Variants in NFIA observed in about 807,000 individuals in gnomAD.
The protein encoded by NFIA is nuclear factor I A, also known as nuclear factor 1 A-type.
In NFIA, 8 loss-of-function variants were observed where a neutral mutation model predicts 62.8. The observed-to-expected ratio is 0.13, with a 90% confidence interval of 0.07 to 0.23. The LOEUF (loss-of-function observed/expected upper bound fraction) is 0.23, where lower values mean the gene tolerates loss of function less well. NFIA is among the 10% of genes least tolerant of loss of function. The pLI, the probability that NFIA is intolerant of heterozygous loss-of-function variation, is 1.00. For missense variants in NFIA, 410 were observed against 642.1 expected, an observed-to-expected ratio of 0.64 and a Z score of 3.91; for synonymous variants, 235 against 238.1, an observed-to-expected ratio of 0.99 and a Z score of 0.12.
chr1:61,227,297 T>G (rs1317505039), intron 2 of NFIA, among the ~76,000 whole-genome samples: 9 of 152,244 alleles, frequency 5.9e-5, no homozygotes, highest in Admixed American at 5.9e-4. Context: ...GTTTGTTCAT[T>G]TGATTTTCCC....
intron 2 of NFIA, among the ~76,000 whole-genome samples, chr1:61,136,790 GT>G (rs575079893): frequency 2.0e-5 from 3 of 152,000 alleles, no homozygotes; most frequent in African/African-American, 7.3e-5. Flanking sequence ...TCCCCTACTA[GT>G]TTTTTTGTTT....
chr1:61,080,249 T>A (rs555173864), upstream of NFIA, among the ~76,000 whole-genome samples: 22 of 151,922 alleles, frequency 1.4e-4, no homozygotes, highest in African/African-American at 5.3e-4. Flanking sequence ...AAGAAGTTTT[T>A]AAAGTAGAAA....
At chr1:61,156,678 C>T (rs1648840137) in intron 2 of NFIA, among the ~76,000 whole-genome samples, 1 of 152,168 alleles carries the variant, frequency 6.6e-6, no homozygotes, top group Non-Finnish European at 1.5e-5. Flanking sequence ...GTCCCCAGTG[C>T]CCTGACTGTG....
At chr1:61,362,232 G>A (rs1663336861) in intron 6 of NFIA, among the ~76,000 whole-genome samples, 1 of 151,928 alleles carries the variant, frequency 6.6e-6, no homozygotes, top group East Asian at 1.9e-4. Context: ...TTTCCCCAGG[G>A]GTACAGTTAA....
chr1:61,406,695 C>T lies in NFIA; in HGVS notation c.1388C>T (p.Thr463Ile). 6.2e-7 allele frequency: 1 copy of T among 1,612,684 alleles called. No individual in the cohort carries two copies. The highest frequency in any genetic ancestry group is 1.1e-5 in the South Asian group (1 of 90,614). The change falls in exon 9 of 11, where the codon ACA becomes ATA. Residue 463 changes from threonine to isoleucine, a missense_variant. By Grantham distance (89) the Thr-to-Ile change is moderately conservative. This residue lies in a region of NFIA where 298 missense variants were observed against 438.1 expected (regional missense o/e 0.68). Transcript: ENST00000403491. ...GACACAAAGCCTCCAACCACGTCAA[C>T]AGAAGGAGGTGCAGCCTCCCCCACG... is the stretch of plus-strand genomic sequence containing the variant. ...VPDTKPPTTS[T>I]EGGAASPTSP... is the part of the protein sequence containing the mutation.
At chr1:61,342,008 T>G (rs981650904) in intron 4 of NFIA, among the ~76,000 whole-genome samples, 1 of 152,122 alleles carries the variant, frequency 6.6e-6, no homozygotes, top group East Asian at 1.9e-4. Context: ...CTGTTGGTAG[T>G]GACCATCTTA....
chr1:61,360,723 T>C (rs2180200), intron 6 of NFIA, among the ~76,000 whole-genome samples: 125,853 of 152,168 alleles, frequency 0.83, 52,159 homozygotes, highest in East Asian at 0.95. Context: ...AACCATTCTG[T>C]ATCCTGATTG....
intron 3 of NFIA, among the ~76,000 whole-genome samples, chr1:61,296,690 G>T (rs1414265): frequency 0.46 from 70,230 of 151,852 alleles, 18,934 homozygotes; most frequent in Admixed American, 0.65. Context: ...TTTGAGCCTC[G>T]ATTTCTACCC....
chr1:61,278,754 G>A (rs1230018162), intron 3 of NFIA, among the ~76,000 whole-genome samples: 2 of 152,084 alleles, frequency 1.3e-5, no homozygotes, highest in East Asian at 3.9e-4. Flanking sequence ...TTGCGCCACT[G>A]CACTCTAGCT....
intron 2 of NFIA, among the ~76,000 whole-genome samples, chr1:61,271,278 G>C (rs1657486933): frequency 6.6e-6 from 1 of 152,148 alleles, no homozygotes; most frequent in African/African-American, 2.4e-5. Flanking sequence ...ACACATTGAT[G>C]AGTAGGTGAT....
At chr1:61,347,165 C>CTTTT (rs869046737) in intron 4 of NFIA, among the ~76,000 whole-genome samples, 728 of 70,138 alleles carry the variant, frequency 0.01, 121 homozygotes, top group South Asian at 0.027. Context: ...CTGGATCCCA[C>CTTTT]TTTTTTTTTT....
chr1:61,342,890 C>T (rs1387738989), intron 4 of NFIA, among the ~76,000 whole-genome samples: 1 of 152,180 alleles, frequency 6.6e-6, no homozygotes, highest in Non-Finnish European at 1.5e-5. Context: ...TTACTTAACT[C>T]TCAGCGTAGT....
intron 2 of NFIA, among the ~76,000 whole-genome samples, chr1:61,184,800 A>G (rs1325238522): frequency 6.6e-6 from 1 of 152,270 alleles, no homozygotes; most frequent in Non-Finnish European, 1.5e-5. Context: ...ACGAGAGGAA[A>G]ATGGTAAAAT....
intron 3 of NFIA, among the ~76,000 whole-genome samples, chr1:61,292,583 G>A (rs888394478): frequency 6.6e-6 from 1 of 152,166 alleles, no homozygotes; most frequent in Non-Finnish European, 1.5e-5. Context: ...AAATGTGATT[G>A]TGATCTCCTA....
intron 7 of NFIA, among the ~76,000 whole-genome samples, chr1:61,385,453 T>C (rs1052549661): frequency 1.3e-5 from 2 of 152,170 alleles, no homozygotes; most frequent in African/African-American, 4.8e-5. Context: ...CTCATCAATA[T>C]AGTGGGTACA....
chr1:61,204,477 A>AT (rs1374999002), intron 2 of NFIA, among the ~76,000 whole-genome samples: 6 of 151,986 alleles, frequency 3.9e-5, no homozygotes, highest in Admixed American at 1.3e-4. Context: ...GGACCTTTAT[A>AT]TTTTTTTATT....
intron 4 of NFIA, among the ~76,000 whole-genome samples, chr1:61,341,611 G>A (rs892964449): frequency 6.6e-6 from 1 of 152,046 alleles, no homozygotes; most frequent in Non-Finnish European, 1.5e-5. Flanking sequence ...CCCAGTAGCC[G>A]GGACCACAGG....
intron 2 of NFIA, among the ~76,000 whole-genome samples, chr1:61,241,910 G>GTT (rs777954324): frequency 1.3e-5 from 2 of 152,010 alleles, no homozygotes; most frequent in Non-Finnish European, 2.9e-5. Context: ...TTTAGAAAGG[G>GTT]GAAAAGCCTA....
In NFIA at chr1:61,420,453, C is replaced by T. The variant is rs149200450; in HGVS notation, c.1421-6012C>T. Among the ~76,000 whole-genome samples, 460 of 152,058 alleles carry T rather than the reference C, an allele frequency of 3.0e-3. 2 individuals are homozygous for T. Among genetic ancestry groups the T allele is most frequent in the African/African-American group, 0.011 (445 of 41,480 alleles). On this transcript the variant is annotated intron_variant, in intron 9 of 10. Coordinates refer to ENST00000403491, the MANE Select transcript of NFIA (RefSeq NM_001134673.4). Reference sequence around the variant, plus strand: ...TTTCAATGAGGTATTTAGCCACCTCCTTGTTTCAGTTTGCAACTGAATGCT... The same window carrying T: ...TTTCAATGAGGTATTTAGCCACCTCTTTGTTTCAGTTTGCAACTGAATGCT...
Sources: gnomAD v4.1 joint callset for allele counts (sites outside exome capture counted in the v4.1 genomes callset) on GRCh38, gnomAD v4.1.1 for gene constraint, gnomAD v4.1.1 regional missense constraint, MANE v1.5 for transcripts, NCBI Gene and HGNC (gene_info 2026-07-23, HGNC 2026-07-21) for gene names.